DPP10: variants seen among roughly 807,000 people sequenced by gnomAD.
DPP10 encodes dipeptidyl peptidase like 10.
In DPP10, 33 loss-of-function variants were observed where a neutral mutation model predicts 120.9. The ratio of observed to expected loss-of-function variants is 0.27; its 90% CI spans 0.21 to 0.37. DPP10 has a LOEUF of 0.37. DPP10 is among the 10% of genes least tolerant of loss of function. The pLI is 1.00. For synonymous variants in DPP10, 337 were observed against 326.1 expected (o/e 1.03, Z -0.36); for missense variants, 816 against 942.8 (o/e 0.87, Z 1.76).
chr2:114,628,018 T>A (rs1209454154), intron 1 of DPP10, among the ~76,000 whole-genome samples: 1 of 152,150 alleles, frequency 6.6e-6, no homozygotes, highest in Non-Finnish European at 1.5e-5. Flanking sequence ...AGATTACTGA[T>A]GAAAACATTT....
intron 1 of DPP10, among the ~76,000 whole-genome samples, chr2:115,160,806 G>A (rs997690940): frequency 1.3e-5 from 2 of 152,056 alleles, no homozygotes; most frequent in Admixed American, 6.5e-5. Context: ...TCCAGGCTCC[G>A]GGCTCCCAAT....
At chr2:115,725,326 C>T (rs1360948769) in intron 7 of DPP10, among the ~76,000 whole-genome samples, 1 of 152,056 alleles carries the variant, frequency 6.6e-6, no homozygotes, top group East Asian at 1.9e-4. Flanking sequence ...AAATACAACT[C>T]AAGGATAAAC....
chr2:115,684,187 C>T (rs111745434), intron 5 of DPP10, among the ~76,000 whole-genome samples: 4 of 151,768 alleles, frequency 2.6e-5, no homozygotes, highest in African/African-American at 7.2e-5. Flanking sequence ...ACTTGTTTTT[C>T]GATGTTCACA....
intron 1 of DPP10, among the ~76,000 whole-genome samples, chr2:115,100,555 T>G (rs2048638053): frequency 6.6e-6 from 1 of 152,126 alleles, no homozygotes; most frequent in African/African-American, 2.4e-5. Context: ...TATGTGTGTA[T>G]GTACATGTGT....
At chr2:114,818,936 CT>C (rs1685859467) in intron 1 of DPP10, among the ~76,000 whole-genome samples, 1 of 152,088 alleles carries the variant, frequency 6.6e-6, no homozygotes, top group Non-Finnish European at 1.5e-5. Flanking sequence ...ATGTTGAACT[CT>C]TATTATCAAA....
intron 1 of DPP10, among the ~76,000 whole-genome samples, chr2:114,489,270 C>T (rs1057148116): frequency 7.2e-5 from 11 of 152,106 alleles, no homozygotes; most frequent in Non-Finnish European, 1.6e-4. Flanking sequence ...TAATATTAAA[C>T]ACAGAGACAG....
intron 5 of DPP10, among the ~76,000 whole-genome samples, chr2:115,574,300 C>A (rs1024107694): frequency 6.6e-6 from 1 of 152,178 alleles, no homozygotes; most frequent in East Asian, 1.9e-4. Flanking sequence ...GTTTCTTTAT[C>A]ATTCCCCACA....
chr2:114,498,649 A>C (rs1682886587), intron 1 of DPP10, among the ~76,000 whole-genome samples: 1 of 152,146 alleles, frequency 6.6e-6, no homozygotes, highest in South Asian at 2.1e-4. Context: ...ACAGGGAGGA[A>C]ATTGGGCCAA....
chr2:114,974,505 C>G (rs1450529405), intron 1 of DPP10, among the ~76,000 whole-genome samples: 1 of 151,736 alleles, frequency 6.6e-6, no homozygotes, highest in Non-Finnish European at 1.5e-5. Flanking sequence ...GCAACCTCCC[C>G]TTACTGGGTT....
intron 10 of DPP10, among the ~76,000 whole-genome samples, chr2:115,751,960 G>A (rs572411943): frequency 1.7e-4 from 24 of 138,946 alleles, no homozygotes; most frequent in African/African-American, 3.5e-4. Context: ...CACAACACCC[G>A]GCTAATTTTT....
In DPP10 at chr2:115,766,065, C is replaced by G. The variant is rs1343110033; in HGVS notation, c.1114-2232C>G. 2.0e-5 allele frequency among the ~76,000 whole-genome samples: 3 copies of G among 151,828 alleles called. No homozygotes were observed. In the East Asian group the frequency reaches 5.8e-4, roughly 29 times the overall value. On this transcript the variant is annotated intron_variant, in intron 12 of 25. Coordinates refer to ENST00000410059, the MANE Select transcript of DPP10 (RefSeq NM_020868.6). ...TTGAGCTCAATTTACATGATAGTCA[C>G]TGTTTCAGGTGCTGCAGATGCAGTA... is the stretch of plus-strand genomic sequence containing the variant.
chr2:115,579,039 T>A (rs2081857654), intron 5 of DPP10: 1 of 152,344 alleles, frequency 6.6e-6, no homozygotes, highest in South Asian at 2.1e-4. Context: ...TGTCAGACAC[T>A]GTTATAAGCA....
rs377721193 is a variant in DPP10 at position 115,153,031 on chromosome 2, T to G, written c.61-156208T>G. On this transcript the variant is annotated intron_variant, in intron 1 of 25. Transcript: ENST00000410059. ...GATGGATGCCTACCCACACAGTAGA[T>G]TGCAGTTTATAGAAGAGGAACCCTG... 3.3e-5 allele frequency among the ~76,000 whole-genome samples: 5 copies of G among 152,084 alleles called. No homozygotes were observed. In the East Asian group the frequency reaches 9.6e-4, roughly 29 times the overall value.
chr2:114,750,041 T>C (rs1304524831), intron 1 of DPP10, among the ~76,000 whole-genome samples: 3 of 152,218 alleles, frequency 2.0e-5, no homozygotes, highest in Non-Finnish European at 4.4e-5. Context: ...TTTCTAAGTT[T>C]TTTCCCTTGT....
intron 1 of DPP10, among the ~76,000 whole-genome samples, chr2:115,190,993 A>G (rs184122592): frequency 2.6e-4 from 39 of 152,292 alleles, no homozygotes; most frequent in African/African-American, 8.9e-4. Context: ...CAGGAGAGGA[A>G]GAAGGAGGTG....
intron 1 of DPP10, among the ~76,000 whole-genome samples, chr2:115,162,563 G>C (rs886219075): frequency 6.6e-6 from 1 of 152,146 alleles, no homozygotes; most frequent in African/African-American, 2.4e-5. Flanking sequence ...TGGGGATGGG[G>C]GAAGAGTGTC....
chr2:114,608,983 C>G (rs1047465741), intron 1 of DPP10, among the ~76,000 whole-genome samples: 48 of 152,160 alleles, frequency 3.2e-4, no homozygotes, highest in African/African-American at 1.1e-3. Flanking sequence ...CTTTAAATCA[C>G]AGCATCACGC....
chr2:114,936,268 C>T (rs1424199373), intron 1 of DPP10, among the ~76,000 whole-genome samples: 1 of 152,032 alleles, frequency 6.6e-6, no homozygotes, highest in Non-Finnish European at 1.5e-5. Flanking sequence ...AGTTGCTTCG[C>T]TTAGAATAAT....
chr2:115,190,124 A>G (rs1472799471), intron 1 of DPP10, among the ~76,000 whole-genome samples: 1 of 152,184 alleles, frequency 6.6e-6, no homozygotes, highest in Non-Finnish European at 1.5e-5. Flanking sequence ...CTATTCCTCT[A>G]ACAGCATCTC....
Sources: gnomAD v4.1 joint callset for allele counts (sites outside exome capture counted in the v4.1 genomes callset) on GRCh38, gnomAD v4.1.1 for gene constraint, MANE v1.5 for transcripts, NCBI Gene and HGNC (gene_info 2026-07-23, HGNC 2026-07-21) for gene names.